The following DPP10 variants were observed in gnomAD, a reference collection of about 807,000 sequenced individuals.
DPP10 encodes the protein dipeptidyl peptidase like 10, also known as inactive dipeptidyl peptidase 10.
A neutral mutation model predicts 120.9 loss-of-function variants in DPP10; 33 were observed. The ratio of observed to expected loss-of-function variants is 0.27; its 90% confidence interval spans 0.21 to 0.37. The LOEUF is 0.37. DPP10 is among the 10% of genes least tolerant of loss of function. DPP10 has a pLI of 1.00. For missense variants in DPP10, 816 were observed against 942.8 expected (o/e 0.87, Z 1.76); for synonymous variants, 337 against 326.1 (o/e 1.03, Z -0.36).
chr2:114,760,370 T>G (rs562740455), intron 1 of DPP10, among the ~76,000 whole-genome samples: 1 of 152,244 alleles, frequency 6.6e-6, no homozygotes, highest in South Asian at 2.1e-4. Context: ...CTCCTCAACT[T>G]GAGGTGAGAT....
At chr2:114,478,486 C>T (rs1273817834) in intron 1 of DPP10, among the ~76,000 whole-genome samples, 1 of 151,978 alleles carries the variant, frequency 6.6e-6, no homozygotes, top group Non-Finnish European at 1.5e-5. Flanking sequence ...TCATTATTTT[C>T]CTCCTAAGGT....
chr2:115,390,736 A>G (rs2067262327), intron 3 of DPP10, among the ~76,000 whole-genome samples: 1 of 152,172 alleles, frequency 6.6e-6, no homozygotes, highest in Non-Finnish European at 1.5e-5. Context: ...CACACCATGT[A>G]GAAAGTTTAT....
chr2:114,931,116 C>T (rs1389161504), intron 1 of DPP10, among the ~76,000 whole-genome samples: 1 of 152,208 alleles, frequency 6.6e-6, no homozygotes, highest in Non-Finnish European at 1.5e-5. Flanking sequence ...CTTACAGCCT[C>T]TGCCCATCAA....
At chr2:114,576,483 G>A (rs1690056742) in intron 1 of DPP10, among the ~76,000 whole-genome samples, 2 of 152,178 alleles carry the variant, frequency 1.3e-5, no homozygotes, top group African/African-American at 2.4e-5. Context: ...AGGAAGCCTG[G>A]GGATGGGGTG....
At chr2:115,234,621 A>G (rs1022287232) in intron 1 of DPP10, 2 of 152,220 alleles carry the variant, frequency 1.3e-5, no homozygotes, top group African/African-American at 4.8e-5. Flanking sequence ...CCTTCTCACC[A>G]TGCACACTGG....
At chr2:114,766,807 G>A (rs10190737) in intron 1 of DPP10, among the ~76,000 whole-genome samples, 11,589 of 152,044 alleles carry the variant, frequency 0.076, 973 homozygotes, top group African/African-American at 0.21. Flanking sequence ...TTTGAATATA[G>A]GTAGAGTTCT....
At chr2:115,453,906 G>A (rs1430091676) in intron 3 of DPP10, among the ~76,000 whole-genome samples, 1 of 151,236 alleles carries the variant, frequency 6.6e-6, no homozygotes, top group African/African-American at 2.4e-5. Context: ...GACAATGAAA[G>A]AGATGACATC....
At chr2:114,662,360 C>T (rs1697485009) in intron 1 of DPP10, among the ~76,000 whole-genome samples, 1 of 152,196 alleles carries the variant, frequency 6.6e-6, no homozygotes, top group Non-Finnish European at 1.5e-5. Context: ...GCGGGGAGCT[C>T]CGGAGCTGCA....
chr2:115,724,743 G>A (rs1575607006), intron 7 of DPP10, among the ~76,000 whole-genome samples: 1 of 152,156 alleles, frequency 6.6e-6, no homozygotes, highest in Non-Finnish European at 1.5e-5. Context: ...AAGAAAAGAG[G>A]TTTAAGTGAT....
chr2:115,065,444 A>G (rs1307315472), intron 1 of DPP10: 1 of 152,182 alleles, frequency 6.6e-6, no homozygotes, highest in African/African-American at 2.4e-5. Context: ...GGACTGCTAC[A>G]ACCAACCTTA....
At chr2:115,421,836 A>T (rs2069991836) in intron 3 of DPP10, among the ~76,000 whole-genome samples, 1 of 122,264 alleles carries the variant, frequency 8.2e-6, no homozygotes, top group Non-Finnish European at 1.6e-5. Flanking sequence ...GCTCCACTGC[A>T]CTCCAGCCTG....
At chr2:115,131,466 T>A (rs940998667) in intron 1 of DPP10, among the ~76,000 whole-genome samples, 1 of 152,082 alleles carries the variant, frequency 6.6e-6, no homozygotes, top group Non-Finnish European at 1.5e-5. Flanking sequence ...TGAGCCCTGA[T>A]TGAGCCACTG....
At chr2:114,910,344 T>G (rs1405095370) in intron 1 of DPP10, among the ~76,000 whole-genome samples, 1 of 151,940 alleles carries the variant, frequency 6.6e-6, no homozygotes, top group East Asian at 1.9e-4. Context: ...AATGGATAAT[T>G]TGGCCCTTGG....
chr2:115,796,643 T>C (rs536862165), intron 19 of DPP10, among the ~76,000 whole-genome samples: 3 of 152,250 alleles, frequency 2.0e-5, no homozygotes, highest in South Asian at 4.1e-4. Context: ...GGGCTGAATA[T>C]TGATTGATTT....
chr2:115,524,804 A>G (rs1240250808), intron 4 of DPP10, among the ~76,000 whole-genome samples: 2 of 152,176 alleles, frequency 1.3e-5, no homozygotes, highest in Non-Finnish European at 2.9e-5. Context: ...ATGAATAACA[A>G]AAGACATTTC....
At chr2:115,523,233 T>C (rs1318221713) in intron 4 of DPP10, among the ~76,000 whole-genome samples, 1 of 151,924 alleles carries the variant, frequency 6.6e-6, no homozygotes, top group Non-Finnish European at 1.5e-5. Flanking sequence ...GACTGGGTAA[T>C]TGTAGGAACT....
intron 1 of DPP10, among the ~76,000 whole-genome samples, chr2:114,527,277 T>G (rs1685583011): frequency 6.6e-6 from 1 of 152,104 alleles, no homozygotes; most frequent in South Asian, 2.1e-4. Flanking sequence ...TCCCTCTATC[T>G]CTCTATAAAA....
At chr2:114,477,963 A>G (rs533037087) in intron 1 of DPP10, among the ~76,000 whole-genome samples, 11 of 148,544 alleles carry the variant, frequency 7.4e-5, no homozygotes, top group East Asian at 3.9e-4. Context: ...ATGTGTGTAT[A>G]TGTATATATG....
chr2:115,428,914 C>T (rs1280634168), intron 3 of DPP10, among the ~76,000 whole-genome samples: 1 of 152,072 alleles, frequency 6.6e-6, no homozygotes, highest in East Asian at 1.9e-4. Context: ...AGAGGAAAGT[C>T]TCTTTGAAGA....
Sources: gnomAD v4.1 joint callset for allele counts (sites outside exome capture counted in the v4.1 genomes callset) on GRCh38, gnomAD v4.1.1 for gene constraint, MANE v1.5 for transcripts, NCBI Gene and HGNC (gene_info 2026-07-23, HGNC 2026-07-21) for gene names.